The following PPM1H variants were observed in gnomAD, a reference collection of about 807,000 sequenced individuals.
PPM1H encodes protein phosphatase, Mg2+/Mn2+ dependent 1H.
Under a neutral mutation model 54.9 loss-of-function variants are expected in PPM1H, and 27 were observed. The ratio of observed to expected loss-of-function variants is 0.49; its 90% CI spans 0.36 to 0.68. PPM1H has a LOEUF of 0.68. PPM1H is among the 30% of genes least tolerant of loss of function. The pLI is 0.00. For missense variants in PPM1H, 596 were observed against 667.8 expected (o/e 0.89, Z 1.19); for synonymous variants, 305 against 270.8 (o/e 1.13, Z -1.24).
intron 7 of PPM1H, among the ~76,000 whole-genome samples, chr12:62,693,594 C>G (rs1483734007): frequency 1.3e-5 from 2 of 152,236 alleles, no homozygotes; most frequent in Non-Finnish European, 2.9e-5. Flanking sequence ...GCCAGCTTGA[C>G]CTGCCTCCTT....
At chr12:62,776,385 AC>A (rs2076611501) in intron 4 of PPM1H, among the ~76,000 whole-genome samples, 1 of 152,174 alleles carries the variant, frequency 6.6e-6, no homozygotes, top group Non-Finnish European at 1.5e-5. Context: ...AGAAATTATT[AC>A]CAATAGCATA....
intron 6 of PPM1H, among the ~76,000 whole-genome samples, chr12:62,717,204 T>C (rs2076239633): frequency 6.6e-6 from 1 of 152,168 alleles, no homozygotes; most frequent in Non-Finnish European, 1.5e-5. Context: ...TCAACTTAAG[T>C]CCTATTTTCA....
intron 4 of PPM1H, among the ~76,000 whole-genome samples, chr12:62,738,484 T>C (rs938322976): frequency 2.0e-5 from 3 of 152,054 alleles, no homozygotes; most frequent in Non-Finnish European, 4.4e-5. Flanking sequence ...CCAAAGCAGA[T>C]GTCTATAGGA....
intron 6 of PPM1H, among the ~76,000 whole-genome samples, chr12:62,706,147 T>G (rs1166998415): frequency 6.6e-6 from 1 of 152,222 alleles, no homozygotes; most frequent in Non-Finnish European, 1.5e-5. Context: ...GGTGCAGATC[T>G]CAAGTATCAG....
chr12:62,860,381 G>A (rs1869553969), intron 1 of PPM1H, among the ~76,000 whole-genome samples: 1 of 152,024 alleles, frequency 6.6e-6, no homozygotes, highest in African/African-American at 2.4e-5. Flanking sequence ...TATTACAGGG[G>A]ATGTTGAAAA....
Position 62,733,735 on chromosome 12 carries a change from C to A in PPM1H, c.954+3767G>T, listed in dbSNP as rs182745035. Among the ~76,000 whole-genome samples the A allele has an allele frequency of 2.5e-3, 373 of 152,018 alleles. 3 individuals are homozygous for A. Among genetic ancestry groups the A allele is most frequent in the African/African-American group, 8.6e-3 (357 of 41,430 alleles). On this transcript the variant is annotated intron_variant, in intron 5 of 9. Transcript: ENST00000228705. ...GTTTTTAGTTATAAACTAGAGTAAC[C>A]CATTTGATTTAGGAGTAAGGATTAA...
At chr12:62,668,639 A>C (rs1201216088) in intron 8 of PPM1H, among the ~76,000 whole-genome samples, 1 of 152,108 alleles carries the variant, frequency 6.6e-6, no homozygotes, top group Non-Finnish European at 1.5e-5. Context: ...AGCCTCCCAA[A>C]GTGCTGGGGT....
chr12:62,866,118 G>C (rs559614214), intron 1 of PPM1H, among the ~76,000 whole-genome samples: 1 of 152,190 alleles, frequency 6.6e-6, no homozygotes, highest in Non-Finnish European at 1.5e-5. Context: ...AAACTGCGAA[G>C]AGGGAAAGCC....
At position 62,832,186 on chromosome 12, in the gene PPM1H, G is replaced by T; in HGVS notation, c.339C>A (p.Thr113=). The change falls in exon 2 of 10, where the codon ACC becomes ACA. Residue 113 remains threonine (T), a synonymous_variant. Coordinates refer to ENST00000228705, the MANE Select transcript of PPM1H (RefSeq NM_020700.2). ...VKKKAGAVTS[T]PNRNSSKRRS... is the part of the protein sequence containing the mutation. ...GTCTCTTGGATGAGTTCCTGTTTGG[G>T]GTTGAGGTCACGGCCCCTGCCTTCT... 6.2e-7 allele frequency: 1 copy of T among 1,613,842 alleles called. No homozygotes were observed. The highest frequency in any genetic ancestry group is 8.5e-7 in the Non-Finnish European group (1 of 1,179,844).
chr12:62,800,503 AT>A (rs974334233), intron 3 of PPM1H, among the ~76,000 whole-genome samples: 2 of 151,722 alleles, frequency 1.3e-5, no homozygotes, highest in Non-Finnish European at 2.9e-5. Context: ...CGCCCGACTA[AT>A]TTTTTTGTAT....
intron 8 of PPM1H, among the ~76,000 whole-genome samples, chr12:62,668,975 C>T (rs2075937740): frequency 6.6e-6 from 1 of 152,356 alleles, no homozygotes; most frequent in African/African-American, 2.4e-5. Flanking sequence ...AAATGAAAAG[C>T]AGCCACCAGG....
At chr12:62,661,997 G>C (rs1415175435) in intron 9 of PPM1H, among the ~76,000 whole-genome samples, 1 of 152,150 alleles carries the variant, frequency 6.6e-6, no homozygotes, top group Non-Finnish European at 1.5e-5. Context: ...TCCCCGAAAG[G>C]CATACAGAAA....
intron 6 of PPM1H, among the ~76,000 whole-genome samples, chr12:62,717,451 C>CAGAGAG (rs60561309): frequency 1.2e-4 from 18 of 148,538 alleles, no homozygotes; most frequent in African/African-American, 4.5e-4. Context: ...CATGCTAATG[C>CAGAGAG]AGAGAGAGAG....
At chr12:62,658,212 T>TTTTTTTTTTTTTTTTTTTTTTC (rs768288538) in intron 9 of PPM1H, among the ~76,000 whole-genome samples, 1 of 130,538 alleles carries the variant, frequency 7.7e-6, no homozygotes. Flanking sequence ...TTTTTTTTTT[T>TTTTTTTTTTTTTTTTTTTTTTC]AAGTAAAAAA....
At chr12:62,789,430 G>T (rs1456849168) in intron 3 of PPM1H, among the ~76,000 whole-genome samples, 1 of 152,154 alleles carries the variant, frequency 6.6e-6, no homozygotes, top group African/African-American at 2.4e-5. Context: ...GACTTACAAT[G>T]ACTTATAAAT....
At chr12:62,829,573 A>AT (rs1164088250) in intron 2 of PPM1H, among the ~76,000 whole-genome samples, 1 of 152,236 alleles carries the variant, frequency 6.6e-6, no homozygotes, top group Admixed American at 6.5e-5. Flanking sequence ...TAAGAAGCCT[A>AT]ATAGGTAAAG....
In PPM1H at chr12:62,801,947, C is replaced by A; in HGVS notation, c.625G>T (p.Ala209Ser). The change falls in exon 3 of 10, where the codon GCA (alanine) becomes TCA (serine). Residue 209 changes from alanine to serine, a missense_variant. By Grantham distance (99) the Ala-to-Ser change is moderately conservative. This residue lies in a region of PPM1H where 382 missense variants were observed against 387.1 expected (regional missense o/e 0.99). Coordinates refer to ENST00000228705, the MANE Select transcript of PPM1H (RefSeq NM_020700.2). Reference sequence around the variant, plus strand: ...CCCACCCCTCCGCGCAGGGAGGCTGCCCGGGTCAGAGTCCGGCTGTTGGCG... The same window carrying A: ...CCCACCCCTCCGCGCAGGGAGGCTGACCGGGTCAGAGTCCGGCTGTTGGCG... ...TPANSRTLTR[A>S]ASLRGGVGAP... The A allele has an allele frequency of 6.2e-7, 1 of 1,612,590 alleles. No individual in the cohort carries two copies. The highest frequency in any genetic ancestry group is 8.5e-7 in the Non-Finnish European group (1 of 1,179,104).
intron 1 of PPM1H, among the ~76,000 whole-genome samples, chr12:62,919,241 C>T (rs67784802): frequency 0.057 from 8,733 of 152,160 alleles, 271 homozygotes; most frequent in Middle Eastern, 0.1. Flanking sequence ...AAATAGTGTT[C>T]CTGAGGAAGG....
rs542967723 is a variant in PPM1H, at chr12:62,910,066, T to C, written c.245+24426A>G. 1.3e-4 allele frequency among the ~76,000 whole-genome samples: 20 copies of C among 152,098 alleles called. No individual in the cohort carries two copies. In the South Asian group the frequency reaches 2.9e-3, roughly 22 times the overall value. Reference sequence around the variant, plus strand: ...GTTGAAACCTGAGGCTAAGCAGGAGTTAACCAGGTAGAGTGGTGGGGAGGC... The same window carrying C: ...GTTGAAACCTGAGGCTAAGCAGGAGCTAACCAGGTAGAGTGGTGGGGAGGC... On this transcript the variant is annotated intron_variant, in intron 1 of 9. Coordinates refer to ENST00000228705, the MANE Select transcript of PPM1H (RefSeq NM_020700.2).
Sources: gnomAD v4.1 joint callset for allele counts (sites outside exome capture counted in the v4.1 genomes callset) on GRCh38, gnomAD v4.1.1 for gene constraint, gnomAD v4.1.1 regional missense constraint, MANE v1.5 for transcripts, NCBI Gene and HGNC (gene_info 2026-07-23, HGNC 2026-07-21) for gene names.